Variants in TRAPPC12 observed in about 807,000 individuals in gnomAD.
TRAPPC12 encodes trafficking protein particle complex subunit 12.
In TRAPPC12, 61 loss-of-function variants were observed where a neutral mutation model predicts 69.2. That is an observed-to-expected ratio of 0.88 (90% CI 0.72 to 1.09). The LOEUF is 1.09. TRAPPC12 is among the 50% of genes least tolerant of loss of function. The pLI is 0.00. For missense variants in TRAPPC12, 1,101 were observed against 1,016.4 expected, an observed-to-expected ratio of 1.08 and a Z score of -1.13; for synonymous variants, 469 against 438.9, an observed-to-expected ratio of 1.07 and a Z score of -0.86.
intron 2 of TRAPPC12, among the ~76,000 whole-genome samples, chr2:3,393,514 C>G (rs376333876): frequency 6.6e-5 from 10 of 152,264 alleles, no homozygotes; most frequent in African/African-American, 2.4e-4. Flanking sequence ...CACATATACA[C>G]ACACACACAG....
At chr2:3,402,041 T>G in intron 3 of TRAPPC12, 148 bp downstream of exon 3, 1 of 586,456 alleles carries the variant, frequency 1.7e-6, no homozygotes, top group Non-Finnish European at 3.0e-6. Flanking sequence ...GCCAGTCCTG[T>G]GCACCAAAAA....
chr2:3,422,016 T>C (rs1388416444), intron 4 of TRAPPC12, 22 bp downstream of exon 4: 1 of 1,582,392 alleles, frequency 6.3e-7, no homozygotes, highest in South Asian at 1.1e-5. Flanking sequence ...TTTCAGGTGC[T>C]GGAGTTTAAC....
In TRAPPC12 at chr2:3,387,849, C is replaced by A. The variant is rs199914749; in HGVS notation, c.226C>A (p.Pro76Thr). ...GGAGAGCGTCCTCATCTCTGACTCC[C>A]CCAACAGCGAGGGCGACGCGGGCGA... ...MMESVLISDS[P>T]NSEGDAGDLG... The change falls in exon 2 of 12, where the codon CCC becomes ACC. Residue 76 changes from proline (P) to threonine (T), a missense_variant. Transcript: ENST00000324266. The A allele has an allele frequency of 6.2e-7, 1 of 1,603,664 alleles. No individual in the cohort carries two copies. Among genetic ancestry groups the A allele is most frequent in the East Asian group, 2.3e-5 (1 of 44,408 alleles).
chr2:3,458,031 G>T (rs1572191368), intron 7 of TRAPPC12: 14 of 1,100,760 alleles, frequency 1.3e-5, no homozygotes, highest in Non-Finnish European at 1.5e-5. Context: ...AGGGGCCTCT[G>T]CGTCGGGGAG....
intron 8 of TRAPPC12, among the ~76,000 whole-genome samples, chr2:3,463,363 T>C (rs977904825): frequency 1.3e-5 from 2 of 151,748 alleles, no homozygotes; most frequent in Non-Finnish European, 2.9e-5. Context: ...CGAGCGCTAC[T>C]GTTGCTGAGC....
intron 4 of TRAPPC12, among the ~76,000 whole-genome samples, chr2:3,422,372 A>G (rs1310477444): frequency 5.9e-5 from 9 of 152,176 alleles, no homozygotes; most frequent in Non-Finnish European, 8.8e-5. Context: ...CCAAGGACGG[A>G]GGGTCCATGT....
At chr2:3,390,022 A>G (rs1013688265) in intron 2 of TRAPPC12, among the ~76,000 whole-genome samples, 1 of 152,180 alleles carries the variant, frequency 6.6e-6, no homozygotes, top group African/African-American at 2.4e-5. Flanking sequence ...AAGGGTAGGT[A>G]TATGTAAAAT....
At chr2:3,448,889 A>G (rs2103113430) in intron 6 of TRAPPC12, among the ~76,000 whole-genome samples, 1 of 152,110 alleles carries the variant, frequency 6.6e-6, no homozygotes, top group East Asian at 1.9e-4. Context: ...TGTGTTGAAG[A>G]TTCATCAAAG....
intron 9 of TRAPPC12, among the ~76,000 whole-genome samples, chr2:3,467,224 C>T (rs6739269): frequency 0.27 from 40,918 of 151,946 alleles, 5,631 homozygotes; most frequent in East Asian, 0.36. Context: ...TCTGAGGACA[C>T]GGGGAGGTGA....
Position 3,401,894 on chromosome 2 carries a change from G to C in TRAPPC12, c.1164+1G>C. Reference sequence around the variant, plus strand: ...TTTTGTTGGATTGAAACAGCTAATCGTAAGTGACAATGTGTTTGATTTCAG... The same window carrying C: ...TTTTGTTGGATTGAAACAGCTAATCCTAAGTGACAATGTGTTTGATTTCAG... On this transcript the variant is annotated splice_donor_variant, in intron 3 of 11. Coordinates refer to ENST00000324266, the MANE Select transcript of TRAPPC12 (RefSeq NM_016030.6). LOFTEE classifies it high-confidence loss of function. 6.4e-7 allele frequency: 1 copy of C among 1,568,206 alleles called. No homozygotes were observed. Among genetic ancestry groups the C allele is most frequent in the Non-Finnish European group, 8.7e-7 (1 of 1,155,226 alleles).
intron 5 of TRAPPC12, among the ~76,000 whole-genome samples, chr2:3,441,092 C>T (rs1278671977): frequency 6.6e-6 from 1 of 151,884 alleles, no homozygotes; most frequent in Admixed American, 6.6e-5. Context: ...ATTTAGTTTG[C>T]TAATTTTGTT....
chr2:3,460,155 CAA>C (rs1284082765), intron 7 of TRAPPC12, 106 bp from the exon 8 acceptor site: 1 of 792,240 alleles, frequency 1.3e-6, no homozygotes, highest in Non-Finnish European at 2.2e-6. Context: ...GTGGTGTTAA[CAA>C]GAGGGATCTT....
chr2:3,465,666 C>T lies in TRAPPC12; in HGVS notation c.1747C>T (p.Leu583Phe). The T allele has an allele frequency of 6.2e-7, 1 of 1,614,204 alleles. No homozygotes were observed. The highest frequency in any genetic ancestry group is 8.5e-7 in the Non-Finnish European group (1 of 1,180,016). The part of the protein sequence containing the change: ...KYYPEQEPQL[L>F]SGIGRISLQI... ...TTACCCAGAGCAAGAGCCCCAGCTG[C>T]TCAGCGGCATCGGCCGGATTTCCCT... The change falls in exon 9 of 12, where the codon CTC becomes TTC. Residue 583 changes from leucine to phenylalanine, a missense_variant. By Grantham distance (22) the Leu-to-Phe change is conservative. Coordinates refer to ENST00000324266, the MANE Select transcript of TRAPPC12 (RefSeq NM_016030.6).
At chr2:3,467,996 G>C (rs1665897285) in intron 9 of TRAPPC12, 2 of 152,262 alleles carry the variant, frequency 1.3e-5, no homozygotes, top group South Asian at 4.1e-4. Flanking sequence ...CAGAGGTCCT[G>C]CTAGGGCCTT....
chr2:3,456,938 T>A, intron 6 of TRAPPC12: 1 of 360,436 alleles, frequency 2.8e-6, no homozygotes, highest in Non-Finnish European at 5.4e-6. Flanking sequence ...CCATGTATGA[T>A]GTCTGCAGAT....
chr2:3,462,523 A>C (rs1214582332), intron 8 of TRAPPC12, among the ~76,000 whole-genome samples: 1 of 152,262 alleles, frequency 6.6e-6, no homozygotes, highest in African/African-American at 2.4e-5. Flanking sequence ...ACAATGAGTT[A>C]TTTAATCAGC....
intron 9 of TRAPPC12, among the ~76,000 whole-genome samples, chr2:3,470,666 G>A (rs35922671): frequency 0.12 from 18,450 of 152,248 alleles, 1,281 homozygotes; most frequent in South Asian, 0.19. Context: ...GTGAGTGTGT[G>A]TAGCAGAGTC....
intron 5 of TRAPPC12, among the ~76,000 whole-genome samples, chr2:3,426,120 A>G (rs1446491994): frequency 6.6e-6 from 1 of 152,162 alleles, no homozygotes; most frequent in Non-Finnish European, 1.5e-5. Flanking sequence ...TATCATTTTT[A>G]GTATAAAGTG....
At chr2:3,456,091 C>T (rs1186573014) in intron 6 of TRAPPC12, 1 of 152,154 alleles carries the variant, frequency 6.6e-6, no homozygotes, top group Non-Finnish European at 1.5e-5. Flanking sequence ...GTCGTTTTAC[C>T]TAGTTTAAAC....
Sources: allele counts gnomAD v4.1 joint callset (sites outside exome capture counted in the v4.1 genomes callset), GRCh38; gene constraint gnomAD v4.1.1; transcripts MANE v1.5; gene names NCBI Gene and HGNC (gene_info 2026-07-23, HGNC 2026-07-21).